The following CCDC85B variants were observed in gnomAD, a reference collection of about 807,000 sequenced individuals.
CCDC85B encodes the protein coiled-coil domain containing 85B.
CCDC85B carries 8 observed loss-of-function variants against 13.6 expected under a neutral mutation model. That is an observed-to-expected ratio of 0.59 (90% CI 0.35 to 1.06). The LOEUF (loss-of-function observed/expected upper bound fraction) is 1.06, where lower values mean the gene tolerates loss of function less well. CCDC85B is among the 50% of genes least tolerant of loss of function. The pLI, the probability that CCDC85B is intolerant of heterozygous loss-of-function variation, is 0.02. For synonymous variants in CCDC85B, 118 were observed against 135.9 expected, an observed-to-expected ratio of 0.87 and a Z score of 0.92; for missense variants, 217 against 285.9, an observed-to-expected ratio of 0.76 and a Z score of 1.74.
At position 65,891,006 on chromosome 11, in the gene CCDC85B, C is replaced by T. The variant is rs547760996; in HGVS notation, c.223C>T (p.Arg75Cys). The T allele has an allele frequency of 2.6e-6, 4 of 1,538,598 alleles. No homozygotes were observed. The African/African-American group carries it at 4.2e-5, about 16-fold the overall frequency. ...QLNRRLQAENRELRDLCCFLD... is the reference protein window; with the variant it reads ...QLNRRLQAENCELRDLCCFLD... ...CAACCGGCGTCTGCAGGCAGAGAAC[C>T]GTGAGCTGCGCGACCTCTGCTGCTT... The change falls in exon 1 of 1, where the codon CGT becomes TGT. Residue 75 changes from arginine to cysteine, a missense_variant. Coordinates refer to ENST00000312579, the MANE Select transcript of CCDC85B (RefSeq NM_006848.3). This position sits in a 1 kb window ranked among gnomAD's most constrained non-coding sequence, Gnocchi z 7.3.
chr11:65,891,620 C>A lies in CCDC85B; in HGVS notation c.*228C>A. ...TGGGGGTTGGATTGGGGGTAATAAA[C>A]CCGGACGGAAGCGGAGCCCACGGCC... is the stretch of plus-strand genomic sequence containing the variant. On this transcript the variant is annotated 3_prime_UTR_variant, in exon 1 of 1. Transcript: ENST00000312579. This position sits in a 1 kb window ranked among gnomAD's most constrained non-coding sequence, Gnocchi z 7.3. 2.0e-6 allele frequency: 1 copy of A among 488,314 alleles called. No individual in the cohort carries two copies. The highest frequency in any genetic ancestry group is 3.5e-6 in the Non-Finnish European group (1 of 282,816). 30.2% of individuals were successfully genotyped at this position (488,314 alleles called of 1,614,324 possible). A position where few individuals can be genotyped will look rare whatever the true frequency, so the allele number is the denominator to read the frequency against.
In CCDC85B at chr11:65,890,772, G is replaced by A. The variant is rs1049936804; in HGVS notation, c.-12G>A. 2.8e-6 allele frequency: 4 copies of A among 1,454,274 alleles called. No homozygotes were observed. Among genetic ancestry groups the A allele is most frequent in the Non-Finnish European group, 3.6e-6 (4 of 1,112,206 alleles). 90.1% of individuals were successfully genotyped at this position (1,454,274 alleles called of 1,614,324 possible). Reference sequence around the variant, plus strand: ...GCGGCGGGCGGGCGATGCTCCAGAGGCCTGACCAGCCATGGAGGCCGAGGC... The same window carrying A: ...GCGGCGGGCGGGCGATGCTCCAGAGACCTGACCAGCCATGGAGGCCGAGGC... On this transcript the variant is annotated 5_prime_UTR_variant, in exon 1 of 1. Transcript: ENST00000312579.
rs1860384187 is a variant in CCDC85B, at chr11:65,891,459, C to T, written c.*67C>T. The T allele has an allele frequency of 2.7e-5, 39 of 1,461,812 alleles. No individual in the cohort carries two copies. The highest frequency in any genetic ancestry group is 3.3e-5 in the Non-Finnish European group (37 of 1,106,794). 90.6% of individuals were successfully genotyped at this position (1,461,812 alleles called of 1,614,324 possible). A position where few individuals can be genotyped will look rare whatever the true frequency, so the allele number is the denominator to read the frequency against. ...CCCGAGCCCCGGGACCGCTGTGGAC[C>T]TCGGGACCTGGACGCCGTCCTGGCT... is the stretch of plus-strand genomic sequence containing the variant. On this transcript the variant is annotated 3_prime_UTR_variant, in exon 1 of 1. Coordinates refer to ENST00000312579, the MANE Select transcript of CCDC85B (RefSeq NM_006848.3). This position sits in a 1 kb window ranked among gnomAD's most constrained non-coding sequence, Gnocchi z 7.3.
Position 65,891,113 on chromosome 11 carries a change from CG to C in CCDC85B, c.331del (p.Glu111ArgfsTer25). On this transcript the variant is annotated frameshift_variant, in exon 1 of 1. Coordinates refer to ENST00000312579, the MANE Select transcript of CCDC85B (RefSeq NM_006848.3). LOFTEE classifies it high-confidence loss of function. The surrounding 1 kb of genome is among the most constrained non-coding windows in gnomAD (Gnocchi z 7.3). ...GGACCCAAGCATCCCGGGCCGTGCG[CG>C]AGGACCTGGGCGGCTGTTGGCAGAA... ...FGTQASRAVR[E>X]DLGGCWQKLA... 1 of 1,571,548 alleles carries C rather than the reference CG, an allele frequency of 6.4e-7. No individual in the cohort carries two copies. Among genetic ancestry groups the C allele is most frequent in the Non-Finnish European group, 8.6e-7 (1 of 1,163,910 alleles).
In CCDC85B at chr11:65,891,348, G is replaced by A. The variant is rs1182235135; in HGVS notation, c.565G>A (p.Gly189Ser). 6.2e-7 allele frequency: 1 copy of A among 1,606,262 alleles called. No homozygotes were observed. The highest frequency in any genetic ancestry group is 1.1e-5 in the South Asian group (1 of 90,704). The change falls in exon 1 of 1, where the codon GGC becomes AGC. Residue 189 changes from glycine (G) to serine (S), a missense_variant. By Grantham distance (56) the Gly-to-Ser change is moderately conservative. Transcript: ENST00000312579. The surrounding 1 kb of genome is among the most constrained non-coding windows in gnomAD (Gnocchi z 7.3). ...GDGSSSTGSVGSPDQLPLACS... is the reference protein window; with the variant it reads ...GDGSSSTGSVSSPDQLPLACS... ...TGGAAGCTCCAGCACTGGCAGCGTGGGCAGTCCGGATCAGTTGCCCCTGGC... is the reference window on the plus strand; with the variant it reads ...TGGAAGCTCCAGCACTGGCAGCGTGAGCAGTCCGGATCAGTTGCCCCTGGC...
Position 65,891,402 on chromosome 11 carries a change from T to C in CCDC85B, c.*10T>C. The stretch of plus-strand genomic sequence containing the variant: ...TTCCCCCGATGATTGAAGGCACTGC[T>C]TCCTCCACGCCGACGCCCGCCCGGA... On this transcript the variant is annotated 3_prime_UTR_variant, in exon 1 of 1. Coordinates refer to ENST00000312579, the MANE Select transcript of CCDC85B (RefSeq NM_006848.3). The surrounding 1 kb of genome is among the most constrained non-coding windows in gnomAD (Gnocchi z 7.3). 1 of 1,554,114 alleles carries C rather than the reference T, an allele frequency of 6.4e-7. No individual in the cohort carries two copies. The highest frequency in any genetic ancestry group is 8.7e-7 in the Non-Finnish European group (1 of 1,154,602).
Position 65,891,521 on chromosome 11 carries a change from T to C in CCDC85B, c.*129T>C, listed in dbSNP as rs1380130715. ...GCCGCTGGCATGGACTAAGAAATCC[T>C]GACACCAAGAAGGGCCCCTCGCTCT... On this transcript the variant is annotated 3_prime_UTR_variant, in exon 1 of 1. Coordinates refer to ENST00000312579, the MANE Select transcript of CCDC85B (RefSeq NM_006848.3). This position sits in a 1 kb window ranked among gnomAD's most constrained non-coding sequence, Gnocchi z 7.3. The C allele has an allele frequency of 2.8e-6, 3 of 1,062,398 alleles. No individual in the cohort carries two copies. The highest frequency in any genetic ancestry group is 3.4e-5 in the African/African-American group (2 of 59,420). The allele number at this position is 1,062,398 out of a possible 1,614,324, so 65.8% of individuals were successfully genotyped here.
Position 65,891,074 on chromosome 11 carries a change from G to C in CCDC85B, c.291G>C (p.Gln97His), listed in dbSNP as rs1422727377. ...AGCGCGGGCGGCGCGCCGCACGCCA[G>C]TGGCAGCTCTTCGGGACCCAAGCAT... The part of the protein sequence containing the change: ...ERQRGRRAAR[Q>H]WQLFGTQASR... The change falls in exon 1 of 1, where the codon CAG (glutamine) becomes CAC (histidine). Residue 97 changes from glutamine (Q) to histidine (H), a missense_variant. Physicochemically the swap from Gln to His is conservative, Grantham distance 24. Coordinates refer to ENST00000312579, the MANE Select transcript of CCDC85B (RefSeq NM_006848.3). This position sits in a 1 kb window ranked among gnomAD's most constrained non-coding sequence, Gnocchi z 7.3. 6.4e-7 allele frequency: 1 copy of C among 1,563,932 alleles called. No homozygotes were observed. The highest frequency in any genetic ancestry group is 1.8e-5 in the Admixed American group (1 of 54,424).
Position 65,890,981 on chromosome 11 carries a change from C to T in CCDC85B, c.198C>T (p.Leu66=). The change falls in exon 1 of 1, where the codon CTC becomes CTT. Residue 66 remains leucine, a synonymous_variant. Coordinates refer to ENST00000312579, the MANE Select transcript of CCDC85B (RefSeq NM_006848.3). ...HLGEIRELKQ[L]NRRLQAENRE... is the part of the protein sequence containing the mutation. ...GCGAGATCCGCGAGCTCAAGCAGCTCAACCGGCGTCTGCAGGCAGAGAACC... is the reference window on the plus strand; with the variant it reads ...GCGAGATCCGCGAGCTCAAGCAGCTTAACCGGCGTCTGCAGGCAGAGAACC... The T allele has an allele frequency of 6.5e-7, 1 of 1,534,002 alleles. No homozygotes were observed. Among genetic ancestry groups the T allele is most frequent in the East Asian group, 2.5e-5 (1 of 40,388 alleles).
At position 65,891,017 on chromosome 11, in the gene CCDC85B, C is replaced by G; in HGVS notation, c.234C>G (p.Arg78=). Residue 78 remains arginine, a synonymous_variant, in exon 1 of 1, where the codon CGC becomes CGG. Transcript: ENST00000312579. This position sits in a 1 kb window ranked among gnomAD's most constrained non-coding sequence, Gnocchi z 7.3. ...RRLQAENREL[R]DLCCFLDSER... is the part of the protein sequence containing the mutation. The stretch of plus-strand genomic sequence containing the variant: ...TGCAGGCAGAGAACCGTGAGCTGCG[C>G]GACCTCTGCTGCTTCCTGGACTCGG... The G allele has an allele frequency of 6.5e-7, 1 of 1,540,458 alleles. No individual in the cohort carries two copies. Among genetic ancestry groups the G allele is most frequent in the South Asian group, 1.2e-5 (1 of 83,982 alleles).
In CCDC85B at chr11:65,890,759, C is replaced by G; in HGVS notation, c.-25C>G. 7.3e-7 allele frequency: 1 copy of G among 1,376,312 alleles called. No individual in the cohort carries two copies. Among genetic ancestry groups the G allele is most frequent in the Non-Finnish European group, 9.3e-7 (1 of 1,072,628 alleles). The allele number at this position is 1,376,312 out of a possible 1,614,324, so 85.3% of individuals were successfully genotyped here. A position where few individuals can be genotyped will look rare whatever the true frequency, so the allele number is the denominator to read the frequency against. ...CTCCTGGGCCGCGGCGGCGGGCGGG[C>G]GATGCTCCAGAGGCCTGACCAGCCA... On this transcript the variant is annotated 5_prime_UTR_variant, in exon 1 of 1. Transcript: ENST00000312579.
chr11:65,890,720 G>A lies in CCDC85B; in HGVS notation c.-64G>A. On this transcript the variant is annotated 5_prime_UTR_variant, in exon 1 of 1. Transcript: ENST00000312579. Reference sequence around the variant, plus strand: ...CGGAGCCCGAGCCTGAGTGGCGCCGGGCCCGACGTGGGGCTCCTGGGCCGC... The same window carrying A: ...CGGAGCCCGAGCCTGAGTGGCGCCGAGCCCGACGTGGGGCTCCTGGGCCGC... The A allele has an allele frequency of 7.4e-7, 1 of 1,351,324 alleles. No homozygotes were observed. The highest frequency in any genetic ancestry group is 9.5e-7 in the Non-Finnish European group (1 of 1,057,448). The allele number at this position is 1,351,324 out of a possible 1,614,324, so 83.7% of individuals were successfully genotyped here. A position where few individuals can be genotyped will look rare whatever the true frequency, so the allele number is the denominator to read the frequency against.
At position 65,891,523 on chromosome 11, in the gene CCDC85B, A is replaced by T. The variant is rs985725601; in HGVS notation, c.*131A>T. On this transcript the variant is annotated 3_prime_UTR_variant, in exon 1 of 1. Coordinates refer to ENST00000312579, the MANE Select transcript of CCDC85B (RefSeq NM_006848.3). This position sits in a 1 kb window ranked among gnomAD's most constrained non-coding sequence, Gnocchi z 7.3. The stretch of plus-strand genomic sequence containing the variant: ...CGCTGGCATGGACTAAGAAATCCTG[A>T]CACCAAGAAGGGCCCCTCGCTCTTG... 1.9e-6 allele frequency: 2 copies of T among 1,046,712 alleles called. No homozygotes were observed. Among genetic ancestry groups the T allele is most frequent in the Non-Finnish European group, 2.6e-6 (2 of 770,612 alleles). The allele number at this position is 1,046,712 out of a possible 1,614,324, so 64.8% of individuals were successfully genotyped here.
rs1411224829 is a variant in CCDC85B at position 65,891,196 on chromosome 11, A to T, written c.413A>T (p.Lys138Met). Residue 138 changes from lysine to methionine, a missense_variant, in exon 1 of 1, where the codon AAG becomes ATG. Coordinates refer to ENST00000312579, the MANE Select transcript of CCDC85B (RefSeq NM_006848.3). The surrounding 1 kb of genome is among the most constrained non-coding windows in gnomAD (Gnocchi z 7.3). ...CTGCTGCGGGAGAACCTAGCGCTTAAGGAGCTCTGCCTGGCGCTGGGCGAA... is the reference window on the plus strand; with the variant it reads ...CTGCTGCGGGAGAACCTAGCGCTTATGGAGCTCTGCCTGGCGCTGGGCGAA... Reference protein sequence around the residue: ...EELLRENLALKELCLALGEEW... With the variant: ...EELLRENLALMELCLALGEEW... 1 of 1,524,620 alleles carries T rather than the reference A, an allele frequency of 6.6e-7. No homozygotes were observed. The highest frequency in any genetic ancestry group is 2.5e-5 in the East Asian group (1 of 40,414). 94.4% of individuals were successfully genotyped at this position (1,524,620 alleles called of 1,614,324 possible).
In CCDC85B at chr11:65,891,369, C is replaced by CT. The variant is rs1565285644; in HGVS notation, c.587dup (p.Ala197GlyfsTer6). ...CGTGGGCAGTCCGGATCAGTTGCCC[C>CT]TGGCCTGTTCCCCCGATGATTGAAG... On this transcript the variant is annotated frameshift_variant, in exon 1 of 1. Transcript: ENST00000312579. LOFTEE classifies it high-confidence loss of function. This position sits in a 1 kb window ranked among gnomAD's most constrained non-coding sequence, Gnocchi z 7.3. 1 of 1,589,070 alleles carries CT rather than the reference C, an allele frequency of 6.3e-7. No homozygotes were observed.
At position 65,891,269 on chromosome 11, in the gene CCDC85B, C is replaced by T. The variant is rs1860381146; in HGVS notation, c.486C>T (p.Ala162=). The T allele has an allele frequency of 6.5e-6, 10 of 1,542,998 alleles. No homozygotes were observed. The highest frequency in any genetic ancestry group is 1.2e-5 in the South Asian group (1 of 83,506). The change falls in exon 1 of 1, where the codon GCC becomes GCT. Residue 162 remains alanine, a synonymous_variant. Transcript: ENST00000312579. This position sits in a 1 kb window ranked among gnomAD's most constrained non-coding sequence, Gnocchi z 7.3. ...CCAGCGGCGCCGGGGGATCAGGAGCCGGGCCAGCACCCGAGCTTGCCTTGC... is the reference window on the plus strand; with the variant it reads ...CCAGCGGCGCCGGGGGATCAGGAGCTGGGCCAGCACCCGAGCTTGCCTTGC... The part of the protein sequence containing the change: ...GGPSGAGGSG[A]GPAPELALPP...
In CCDC85B at chr11:65,891,480, T is replaced by C; in HGVS notation, c.*88T>C. Reference sequence around the variant, plus strand: ...GGACCTCGGGACCTGGACGCCGTCCTGGCTGCGCAGGAGGGGCCGCTGGCA... The same window carrying C: ...GGACCTCGGGACCTGGACGCCGTCCCGGCTGCGCAGGAGGGGCCGCTGGCA... On this transcript the variant is annotated 3_prime_UTR_variant, in exon 1 of 1. Coordinates refer to ENST00000312579, the MANE Select transcript of CCDC85B (RefSeq NM_006848.3). This position sits in a 1 kb window ranked among gnomAD's most constrained non-coding sequence, Gnocchi z 7.3. The C allele has an allele frequency of 7.1e-7, 1 of 1,405,804 alleles. No individual in the cohort carries two copies. The highest frequency in any genetic ancestry group is 9.4e-7 in the Non-Finnish European group (1 of 1,068,438). 87.1% of individuals were successfully genotyped at this position (1,405,804 alleles called of 1,614,324 possible).
chr11:65,890,881 C>A lies in CCDC85B; in HGVS notation c.98C>A (p.Ala33Glu), dbSNP rs772076654. The change falls in exon 1 of 1, where the codon GCG (alanine) becomes GAG (glutamate). Residue 33 changes from alanine (A) to glutamate (E), a missense_variant. Ala to Glu is a moderately radical substitution (Grantham distance 107, BLOSUM62 -1). Coordinates refer to ENST00000312579, the MANE Select transcript of CCDC85B (RefSeq NM_006848.3). ...ELVRRLRREE[A>E]ARLAALVQRG... Reference sequence around the variant, plus strand: ...GTGCGGCGCCTGCGGCGGGAGGAGGCGGCGCGCCTGGCGGCACTGGTGCAG... The same window carrying A: ...GTGCGGCGCCTGCGGCGGGAGGAGGAGGCGCGCCTGGCGGCACTGGTGCAG... 2.0e-6 allele frequency: 3 copies of A among 1,512,234 alleles called. No homozygotes were observed. The highest frequency in any genetic ancestry group is 2.8e-5 in the African/African-American group (2 of 71,412). 93.7% of individuals were successfully genotyped at this position (1,512,234 alleles called of 1,614,324 possible).
Position 65,890,921 on chromosome 11 carries a change from G to T in CCDC85B, c.138G>T (p.Met46Ile). The T allele has an allele frequency of 6.5e-7, 1 of 1,530,028 alleles. No individual in the cohort carries two copies. Among genetic ancestry groups the T allele is most frequent in the Non-Finnish European group, 8.7e-7 (1 of 1,144,852 alleles). The allele number at this position is 1,530,028 out of a possible 1,614,324, so 94.8% of individuals were successfully genotyped here. A position where few individuals can be genotyped will look rare whatever the true frequency, so the allele number is the denominator to read the frequency against. ...CACTGGTGCAGCGCGGCCGCCTCAT[G>T]CAGGAGGTGAATCGGCAGCTGCAGG... ...LAALVQRGRL[M>I]QEVNRQLQGH... Residue 46 changes from methionine to isoleucine, a missense_variant, in exon 1 of 1, where the codon ATG becomes ATT. Met to Ile is a conservative substitution (Grantham distance 10). Transcript: ENST00000312579.
Sources: allele counts gnomAD v4.1 joint callset, GRCh38; gene constraint gnomAD v4.1.1; non-coding constraint Gnocchi (gnomAD v3.1); transcripts MANE v1.5; gene names NCBI Gene and HGNC (gene_info 2026-07-23, HGNC 2026-07-21).